Variants in CHRD observed in about 807,000 individuals in gnomAD.
The protein encoded by CHRD is chordin.
In CHRD, 69 loss-of-function variants were observed where a neutral mutation model predicts 113.7. That is an observed-to-expected ratio of 0.61 (90% CI 0.50 to 0.74). The LOEUF is 0.74. Ranked by LOEUF, CHRD falls within the 30% of genes least tolerant of loss-of-function variation. CHRD has a pLI of 0.00. For missense variants in CHRD, 1,194 were observed against 1,295.8 expected (o/e 0.92, Z 1.21); for synonymous variants, 561 against 540.8 (o/e 1.04, Z -0.52).
Position 184,381,403 on chromosome 3 carries a change from C to A in CHRD, c.382+39C>A. 1 of 1,597,000 alleles carries A rather than the reference C, an allele frequency of 6.3e-7. No homozygotes were observed. Among genetic ancestry groups the A allele is most frequent in the Non-Finnish European group, 8.5e-7 (1 of 1,172,294 alleles). On this transcript the variant is annotated intron_variant, in intron 3 of 22. Coordinates refer to ENST00000204604, the Ensembl canonical transcript of CHRD. This position sits in a 1 kb window ranked among gnomAD's most constrained non-coding sequence, Gnocchi z 4.7. The stretch of plus-strand genomic sequence containing the variant: ...CGCCCTGCGGGGAGGGAGGCAGGGC[C>A]ACGATACTAGGTCCCGGGCCACTTG...
At chr3:184,385,317 A>T (rs1400382217) in intron 14 of CHRD, 79 bp downstream of exon 14, 1 of 1,074,214 alleles carries the variant, frequency 9.3e-7, no homozygotes, top group Non-Finnish European at 1.4e-6. Flanking sequence ...TGTGTTGGGG[A>T]AAGCAGAGAG....
chr3:184,384,744 G>C lies in CHRD; in HGVS notation c.1597+51G>C. On this transcript the variant is annotated intron_variant, in intron 13 of 22. Coordinates refer to ENST00000204604, the Ensembl canonical transcript of CHRD. This position sits in a 1 kb window ranked among gnomAD's most constrained non-coding sequence, Gnocchi z 4.4. ...CCCTTTGGTTTCCTAGAACATTTGA[G>C]GGATGGTGGCAGACAGCCGGAGCCT... 1 of 1,504,808 alleles carries C rather than the reference G, an allele frequency of 6.6e-7. No individual in the cohort carries two copies. Among genetic ancestry groups the C allele is most frequent in the Non-Finnish European group, 8.9e-7 (1 of 1,127,900 alleles). The allele number at this position is 1,504,808 out of a possible 1,614,324, so 93.2% of individuals were successfully genotyped here.
At position 184,380,724 on chromosome 3, in the gene CHRD, G is replaced by A; in HGVS notation, c.181G>A (p.Asp61Asn). The change falls in exon 2 of 23, where the codon GAC becomes AAC. Residue 61 changes from aspartate (D) to asparagine (N), a missense_variant. Asp to Asn is a conservative substitution (Grantham distance 23). Coordinates refer to ENST00000204604, the Ensembl canonical transcript of CHRD. This position sits in a 1 kb window ranked among gnomAD's most constrained non-coding sequence, Gnocchi z 6.3. ...CTTCGGCGGGAAGGTCTATGCCTTG[G>A]ACGAGACGTGGCACCCGGACCTAGG... 1 of 1,599,124 alleles carries A rather than the reference G, an allele frequency of 6.3e-7. No homozygotes were observed. The highest frequency in any genetic ancestry group is 2.3e-5 in the East Asian group (1 of 44,164).
chr3:184,386,262 G>A (rs62287513), intron 15 of CHRD, 103 bp downstream of exon 15: 378,572 of 1,335,900 alleles, frequency 0.28, 58,514 homozygotes, highest in Middle Eastern at 0.39. Context: ...AGTCCTGGGG[G>A]TGGTCGTATC....
chr3:184,380,309 C>A lies in CHRD; in HGVS notation c.-10C>A, dbSNP rs563180727. 6 of 1,316,908 alleles carry A rather than the reference C, an allele frequency of 4.6e-6. No individual in the cohort carries two copies. The African/African-American group carries it at 4.7e-5, about 10-fold the overall frequency. 81.6% of individuals were successfully genotyped at this position (1,316,908 alleles called of 1,614,324 possible). A position where few individuals can be genotyped will look rare whatever the true frequency, so the allele number is the denominator to read the frequency against. Reference sequence around the variant, plus strand: ...CTCCCTCCCTCCTCCCCAGCTGTCCCGTTCGCGTCATGCCGAGCCTCCCGG... The same window carrying A: ...CTCCCTCCCTCCTCCCCAGCTGTCCAGTTCGCGTCATGCCGAGCCTCCCGG... On this transcript the variant is annotated 5_prime_UTR_variant, in exon 1 of 23. Transcript: ENST00000204604. This position sits in a 1 kb window ranked among gnomAD's most constrained non-coding sequence, Gnocchi z 6.3.
rs755845664 is a variant in CHRD at position 184,387,013 on chromosome 3, G to A, written c.2291-38G>A. ...GGTCCTTTGGGGAGGGAATGAGGGT[G>A]GTCACTCTCTGCTTTCACCATTTCT... On this transcript the variant is annotated intron_variant, in intron 17 of 22. Transcript: ENST00000204604. This position sits in a 1 kb window ranked among gnomAD's most constrained non-coding sequence, Gnocchi z 6.1. 2 of 1,613,748 alleles carry A rather than the reference G, an allele frequency of 1.2e-6. No homozygotes were observed. The highest frequency in any genetic ancestry group is 1.7e-6 in the Non-Finnish European group (2 of 1,179,650).
At position 184,388,143 on chromosome 3, in the gene CHRD, T is replaced by A; in HGVS notation, c.2554+110T>A. On this transcript the variant is annotated intron_variant, in intron 20 of 22. Coordinates refer to ENST00000204604, the Ensembl canonical transcript of CHRD. This position sits in a 1 kb window ranked among gnomAD's most constrained non-coding sequence, Gnocchi z 6.1. The stretch of plus-strand genomic sequence containing the variant: ...TTGAGCATTATACTGAGCACTGCTC[T>A]GTGCCTAGCCTGGAGCCAGGACTCT... The A allele has an allele frequency of 6.6e-6, 6 of 915,180 alleles. No homozygotes were observed. Among genetic ancestry groups the A allele is most frequent in the African/African-American group, 1.6e-5 (1 of 61,340 alleles). The allele number at this position is 915,180 out of a possible 1,614,324, so 56.7% of individuals were successfully genotyped here. A position where few individuals can be genotyped will look rare whatever the true frequency, so the allele number is the denominator to read the frequency against.
At chr3:184,382,590 G>A (rs200378509) in intron 7 of CHRD, 44 bp from the exon 8 acceptor site, 2 of 1,610,870 alleles carry the variant, frequency 1.2e-6, no homozygotes, top group East Asian at 2.2e-5. Flanking sequence ...CCAGGAAAGG[G>A]GGGGAGGGTT....
Position 184,380,558 on chromosome 3 carries a change from G to T in CHRD, c.148+92G>T, listed in dbSNP as rs1296093853. On this transcript the variant is annotated intron_variant, in intron 1 of 22. Coordinates refer to ENST00000204604, the Ensembl canonical transcript of CHRD. The surrounding 1 kb of genome is among the most constrained non-coding windows in gnomAD (Gnocchi z 6.3). ...AGGGGGCGCGGGGCGCAGGTGGCTC[G>T]GCGCGGCGGGCGGCCCGGAGGGTGG... is the stretch of plus-strand genomic sequence containing the variant. The T allele has an allele frequency of 3.9e-6, 4 of 1,026,800 alleles. 1 individual carries two copies. In the African/African-American group the frequency reaches 5.1e-5, roughly 13 times the overall value. 63.6% of individuals were successfully genotyped at this position (1,026,800 alleles called of 1,614,324 possible).
rs866747852 is a variant in CHRD, at chr3:184,388,237, G to A, written c.2554+204G>A. 1.6e-3 allele frequency among the ~76,000 whole-genome samples: 225 copies of A among 138,058 alleles called. 2 individuals carry two copies. The highest frequency in any genetic ancestry group is 3.7e-3 in the African/African-American group (132 of 36,028). 90.6% of individuals were successfully genotyped at this position (138,058 alleles called of 152,430 possible). ...GTTCTGGTTCCTGCTCCATCCATCCGTCCATCCATCCATCCATCCATCCAT... is the reference window on the plus strand; with the variant it reads ...GTTCTGGTTCCTGCTCCATCCATCCATCCATCCATCCATCCATCCATCCAT... On this transcript the variant is annotated intron_variant, in intron 20 of 22. Coordinates refer to ENST00000204604, the Ensembl canonical transcript of CHRD. This position sits in a 1 kb window ranked among gnomAD's most constrained non-coding sequence, Gnocchi z 6.1.
chr3:184,382,747 C>A (rs776802461), exon 8 of CHRD: 1 of 1,613,988 alleles, frequency 6.2e-7, no homozygotes, highest in Non-Finnish European at 8.5e-7. Context: ...GCTGCTCTTC[C>A]GAGGGCTGCT....
exon 17 of CHRD, chr3:184,386,898 C>T: frequency 6.2e-7 from 1 of 1,614,230 alleles, no homozygotes; most frequent in South Asian, 1.1e-5. Flanking sequence ...GCTGCCCACA[C>T]CCGGTGCAGG....
At position 184,382,630 on chromosome 3, in the gene CHRD, C is replaced by A. The variant is rs774509862; in HGVS notation, c.842-4C>A. On this transcript the variant is annotated splice_polypyrimidine_tract_variant and splice_region_variant and intron_variant, in intron 7 of 22. Transcript: ENST00000204604. ...ACGGGCTCTCATCATCGTCCCTTCC[C>A]CAGAGACCTTCAGTGCCATCCTGAC... 6.2e-7 allele frequency: 1 copy of A among 1,612,690 alleles called. No homozygotes were observed. The highest frequency in any genetic ancestry group is 8.5e-7 in the Non-Finnish European group (1 of 1,179,136).
chr3:184,386,941 G>A lies in CHRD; in HGVS notation c.2290+3G>A. ...CCAGTGCTGCCCTGTTTGCCCTGGTGAGTTCCCCGCAGGGGAGTGGAGGGA... is the reference window on the plus strand; with the variant it reads ...CCAGTGCTGCCCTGTTTGCCCTGGTAAGTTCCCCGCAGGGGAGTGGAGGGA... On this transcript the variant is annotated splice_donor_region_variant and intron_variant, in intron 17 of 22. Transcript: ENST00000204604. 2 of 1,614,228 alleles carry A rather than the reference G, an allele frequency of 1.2e-6. No homozygotes were observed. The highest frequency in any genetic ancestry group is 2.2e-5 in the South Asian group (2 of 91,090).
Position 184,382,589 on chromosome 3 carries a change from G to C in CHRD, c.842-45G>C, listed in dbSNP as rs201668530. ...GAGTCTTCTCTATCACCCAGGAAAG[G>C]GGGGGAGGGTTTCTGACGGGCTCTC... On this transcript the variant is annotated intron_variant, in intron 7 of 22. Coordinates refer to ENST00000204604, the Ensembl canonical transcript of CHRD. The C allele has an allele frequency of 1.8e-4, 284 of 1,610,876 alleles. No individual in the cohort carries two copies. In the East Asian group the frequency reaches 3.1e-3, roughly 18 times the overall value.
In CHRD at chr3:184,387,848, T is replaced by C. The variant is rs1269731122; in HGVS notation, c.2452-83T>C. On this transcript the variant is annotated intron_variant, in intron 19 of 22. Coordinates refer to ENST00000204604, the Ensembl canonical transcript of CHRD. This position sits in a 1 kb window ranked among gnomAD's most constrained non-coding sequence, Gnocchi z 6.1. ...GTAAAAGGCCACAGAGAGACTGCAT[T>C]TGAGGTGTGGAATAGGAGAGGGAGT... 10 of 1,231,846 alleles carry C rather than the reference T, an allele frequency of 8.1e-6. No homozygotes were observed. The highest frequency in any genetic ancestry group is 9.4e-6 in the Non-Finnish European group (8 of 854,514). The allele number at this position is 1,231,846 out of a possible 1,614,324, so 76.3% of individuals were successfully genotyped here. A position where few individuals can be genotyped will look rare whatever the true frequency, so the allele number is the denominator to read the frequency against.
downstream of CHRD, chr3:184,390,553 C>A (rs1006844603): frequency 6.6e-6 from 1 of 151,898 alleles, no homozygotes; most frequent in African/African-American, 2.4e-5. Flanking sequence ...TACCTTGAGA[C>A]CAAATCATGT....
chr3:184,385,342 TAGA>T, intron 14 of CHRD, 104 bp downstream of exon 14: 1 of 797,814 alleles, frequency 1.3e-6, no homozygotes, highest in Admixed American at 2.2e-5. Flanking sequence ...CAGCCTGGTA[TAGA>T]AGAGCTGGCA....
chr3:184,384,772 T>C lies in CHRD; in HGVS notation c.1597+79T>C. The C allele has an allele frequency of 6.8e-7, 1 of 1,479,512 alleles. No homozygotes were observed. Among genetic ancestry groups the C allele is most frequent in the Non-Finnish European group, 9.0e-7 (1 of 1,114,404 alleles). 91.6% of individuals were successfully genotyped at this position (1,479,512 alleles called of 1,614,324 possible). ...ATGGTGGCAGACAGCCGGAGCCTGG[T>C]GTGTCTTTCTTTGTGCCTAAGCTCC... On this transcript the variant is annotated intron_variant, in intron 13 of 22. Coordinates refer to ENST00000204604, the Ensembl canonical transcript of CHRD. This position sits in a 1 kb window ranked among gnomAD's most constrained non-coding sequence, Gnocchi z 4.4.
Sources: gnomAD v4.1 joint callset for allele counts (sites outside exome capture counted in the v4.1 genomes callset) on GRCh38, gnomAD v4.1.1 for gene constraint, Gnocchi (gnomAD v3.1) non-coding constraint, MANE v1.5 for transcripts, NCBI Gene and HGNC (gene_info 2026-07-23, HGNC 2026-07-21) for gene names.